The following HERC4 variants were observed in gnomAD, a reference collection of about 807,000 sequenced individuals.
HERC4 encodes probable E3 ubiquitin-protein ligase HERC4.
HERC4 carries 28 observed loss-of-function variants against 124.3 expected under a neutral mutation model. The observed-to-expected ratio is 0.23, with a 90% CI of 0.17 to 0.31. HERC4 has a LOEUF of 0.31. Among genes scored for constraint, HERC4 ranks in the 10% least tolerant of loss-of-function variants. The pLI is 1.00. For missense variants in HERC4, 713 were observed against 1,229.3 expected, an observed-to-expected ratio of 0.58 and a Z score of 6.28; for synonymous variants, 407 against 421.5, an observed-to-expected ratio of 0.97 and a Z score of 0.42.
At chr10:68,005,355 C>T (rs546009324) in intron 9 of HERC4, among the ~76,000 whole-genome samples, 45 of 152,298 alleles carry the variant, frequency 3.0e-4, no homozygotes, top group African/African-American at 1.1e-3. Flanking sequence ...AGTATAGCTA[C>T]TCCTGCTCTT....
At chr10:68,012,775 G>A (rs1467506158) in intron 9 of HERC4, among the ~76,000 whole-genome samples, 1 of 152,160 alleles carries the variant, frequency 6.6e-6, no homozygotes, top group African/African-American at 2.4e-5. Context: ...TCAATGCAGT[G>A]TTGTCAAAAA....
intron 16 of HERC4, among the ~76,000 whole-genome samples, chr10:67,961,827 C>A (rs370582591): frequency 8.5e-5 from 13 of 152,210 alleles, no homozygotes; most frequent in African/African-American, 2.9e-4. Context: ...TCTATGCAAA[C>A]CCTATTCAGA....
intron 17 of HERC4, 41 bp from the exon 18 acceptor site, chr10:67,955,171 A>T: frequency 6.5e-7 from 1 of 1,540,824 alleles, no homozygotes; most frequent in East Asian, 2.4e-5. Flanking sequence ...CAATGCTACA[A>T]TAAAGCTACT....
intron 15 of HERC4, among the ~76,000 whole-genome samples, chr10:67,987,067 T>G (rs1174139501): frequency 1.3e-5 from 2 of 152,168 alleles, no homozygotes; most frequent in Non-Finnish European, 2.9e-5. Flanking sequence ...TTCTAGTGGT[T>G]AGCAAGCAAT....
chr10:68,045,986 T>C (rs1286985343), intron 3 of HERC4, among the ~76,000 whole-genome samples: 1 of 152,194 alleles, frequency 6.6e-6, no homozygotes. Context: ...ACTCTAATGA[T>C]GTATTAAGTA....
chr10:68,013,306 G>A (rs1051237466), intron 9 of HERC4, among the ~76,000 whole-genome samples: 6 of 152,068 alleles, frequency 3.9e-5, no homozygotes, highest in Non-Finnish European at 2.9e-5. Context: ...GCTTTATTAC[G>A]ATATTTGCTT....
intron 15 of HERC4, among the ~76,000 whole-genome samples, chr10:67,979,069 CCAGA>C (rs1237089333): frequency 3.3e-5 from 5 of 152,016 alleles, no homozygotes; most frequent in African/African-American, 9.7e-5. Context: ...TCTTTAATGC[CCAGA>C]CAGAGAGGAA....
intron 4 of HERC4, chr10:68,038,403 AT>A (rs2039588831): frequency 2.8e-6 from 1 of 356,972 alleles, no homozygotes; most frequent in Non-Finnish European, 5.0e-6. Flanking sequence ...GAAAGACAGT[AT>A]TTAAGCAAAG....
chr10:67,966,636 G>C, intron 16 of HERC4, 47 bp downstream of exon 16: 1 of 1,551,318 alleles, frequency 6.4e-7, no homozygotes, highest in South Asian at 1.2e-5. Context: ...TTTTTTATTA[G>C]ATACATATAC....
At chr10:67,990,794 A>T (rs1459772801) in intron 13 of HERC4, 110 bp downstream of exon 13, 1 of 576,094 alleles carries the variant, frequency 1.7e-6, no homozygotes, top group East Asian at 3.0e-5. Flanking sequence ...TTTTAAAAGC[A>T]CATCGTAAGA....
intron 3 of HERC4, among the ~76,000 whole-genome samples, chr10:68,054,657 G>C (rs758065612): frequency 1.3e-5 from 2 of 151,830 alleles, no homozygotes; most frequent in Non-Finnish European, 2.9e-5. Context: ...TTATGATTCT[G>C]ACTTTTTAAA....
At chr10:68,055,021 C>G (rs1019531777) in intron 3 of HERC4, among the ~76,000 whole-genome samples, 7 of 152,138 alleles carry the variant, frequency 4.6e-5, no homozygotes, top group Admixed American at 1.3e-4. Context: ...CTCCTGGGCT[C>G]AAGCGATTCT....
At chr10:68,071,520 T>C (rs2041574370) in intron 3 of HERC4, among the ~76,000 whole-genome samples, 1 of 152,198 alleles carries the variant, frequency 6.6e-6, no homozygotes, top group Non-Finnish European at 1.5e-5. Flanking sequence ...AGCAGTAGCC[T>C]CCGTACCATG....
At chr10:68,065,254 T>C (rs960678443) in intron 3 of HERC4, among the ~76,000 whole-genome samples, 2 of 152,130 alleles carry the variant, frequency 1.3e-5, no homozygotes, top group African/African-American at 2.4e-5. Context: ...AGTAATTCTC[T>C]ACCAAGAACA....
chr10:68,051,670 T>G (rs2040316375), intron 3 of HERC4, among the ~76,000 whole-genome samples: 1 of 148,164 alleles, frequency 6.7e-6, no homozygotes, highest in Admixed American at 6.8e-5. Flanking sequence ...ATGTTAACAC[T>G]ATTCTTTCAA....
intron 3 of HERC4, among the ~76,000 whole-genome samples, chr10:68,064,777 C>T (rs1487820878): frequency 6.6e-6 from 1 of 151,322 alleles, no homozygotes; most frequent in South Asian, 2.1e-4. Flanking sequence ...TTGAGACCAC[C>T]CTGGCCAAAA....
chr10:68,005,475 G>A (rs2037484622), intron 9 of HERC4, among the ~76,000 whole-genome samples: 1 of 152,052 alleles, frequency 6.6e-6, no homozygotes, highest in Non-Finnish European at 1.5e-5. Flanking sequence ...ACTGGGTCTT[G>A]TTTTTTCATC....
In HERC4 at chr10:68,038,732, A is replaced by G. The variant is rs16925034; in HGVS notation, c.387-563T>C. Among the ~76,000 whole-genome samples the G allele has an allele frequency of 0.026, 4,026 of 152,222 alleles. 394 individuals carry two copies. The East Asian group carries it at 0.31, about 12-fold the overall frequency. The stretch of plus-strand genomic sequence containing the variant: ...TCAGGGACATTCAATTTTTTTACTC[A>G]GGAAATTTACTCAATTCACAGTTAT... On this transcript the variant is annotated intron_variant, in intron 4 of 24. Transcript: ENST00000373700.
At chr10:67,954,915 A>G (rs774434912) in intron 18 of HERC4, 48 bp downstream of exon 18, 1 of 1,509,718 alleles carries the variant, frequency 6.6e-7, no homozygotes. Context: ...TTTTAAACAT[A>G]GCTTCTGAAT....
Sources: gnomAD v4.1 joint callset for allele counts (sites outside exome capture counted in the v4.1 genomes callset) on GRCh38, gnomAD v4.1.1 for gene constraint, MANE v1.5 for transcripts, NCBI Gene and HGNC (gene_info 2026-07-23, HGNC 2026-07-21) for gene names.